TNFSF4: variants seen among roughly 807,000 people sequenced by gnomAD.
The protein encoded by TNFSF4 is TNF superfamily member 4, also known as tumor necrosis factor ligand superfamily member 4.
Under a neutral mutation model 7.3 loss-of-function variants are expected in TNFSF4, and 4 were observed. The ratio of observed to expected loss-of-function variants is 0.55; its 90% CI spans 0.27 to 1.25. The LOEUF is 1.25. Ranked by LOEUF, TNFSF4 falls within the 50% of genes most tolerant of loss-of-function variation. TNFSF4 has a pLI of 0.12. For synonymous variants in TNFSF4, 76 were observed against 83.7 expected (o/e 0.91, Z 0.50); for missense variants, 181 against 208.8 (o/e 0.87, Z 0.82).
At chr1:173,357,508 G>A in the TNFSF4 span, among the ~76,000 whole-genome samples, 2 of 152,064 alleles carry the variant, frequency 1.3e-5, no homozygotes, top group South Asian at 4.2e-4. Flanking sequence ...GCAGTTCTGG[G>A]AGTTCCTGTT....
At chr1:173,178,284 T>C in the TNFSF4 span, among the ~76,000 whole-genome samples, 1 of 152,124 alleles carries the variant, frequency 6.6e-6, no homozygotes, top group Non-Finnish European at 1.5e-5. Context: ...TTCTTAAAAG[T>C]TGAATATCAG....
chr1:173,236,785 G>T, the TNFSF4 span, among the ~76,000 whole-genome samples: 2 of 152,140 alleles, frequency 1.3e-5, no homozygotes, highest in Admixed American at 1.3e-4. Flanking sequence ...CTAAAAAAAA[G>T]TTGATCTCAC....
the TNFSF4 span, among the ~76,000 whole-genome samples, chr1:173,399,077 C>G: frequency 6.6e-6 from 1 of 152,108 alleles, no homozygotes; most frequent in African/African-American, 2.4e-5. Context: ...GTTATCTGAC[C>G]CACCAAGCCA....
chr1:173,421,915 T>C, the TNFSF4 span, among the ~76,000 whole-genome samples: 1 of 152,206 alleles, frequency 6.6e-6, no homozygotes, highest in Non-Finnish European at 1.5e-5. Context: ...CTTTTTGTTG[T>C]TGGTTTTTTC....
At chr1:173,230,284 A>G in the TNFSF4 span, among the ~76,000 whole-genome samples, 2 of 152,212 alleles carry the variant, frequency 1.3e-5, no homozygotes, top group Non-Finnish European at 2.9e-5. Context: ...CTCACTCAAA[A>G]CAGCTCAACT....
chr1:173,308,283 C>G, the TNFSF4 span, among the ~76,000 whole-genome samples: 34 of 132,604 alleles, frequency 2.6e-4, no homozygotes, highest in African/African-American at 5.4e-4. Flanking sequence ...CTCTCTCTCT[C>G]TCTGTGTGTG....
the TNFSF4 span, among the ~76,000 whole-genome samples, chr1:173,285,168 G>A: frequency 5.3e-5 from 8 of 152,050 alleles, no homozygotes; most frequent in Non-Finnish European, 2.9e-5. Context: ...GAATGACTGT[G>A]AAGGGTTCAA....
At chr1:173,368,385 G>C in the TNFSF4 span, among the ~76,000 whole-genome samples, 3 of 152,270 alleles carry the variant, frequency 2.0e-5, no homozygotes, top group East Asian at 5.8e-4. Flanking sequence ...ACCAACTCCA[G>C]ACACATCTTG....
the TNFSF4 span, among the ~76,000 whole-genome samples, chr1:173,276,236 A>G: frequency 2.0e-4 from 31 of 152,256 alleles, 1 homozygote; most frequent in South Asian, 5.6e-3. Flanking sequence ...TTACAGAAAG[A>G]TTAATCCAAA....
At chr1:173,296,624 A>C in the TNFSF4 span, among the ~76,000 whole-genome samples, 14 of 152,010 alleles carry the variant, frequency 9.2e-5, no homozygotes, top group Admixed American at 3.3e-4. Context: ...CAAAAGAAGG[A>C]AAGACTACAG....
intron 1 of TNFSF4, among the ~76,000 whole-genome samples, chr1:173,192,586 A>G (rs2101987447): frequency 6.6e-6 from 1 of 152,334 alleles, no homozygotes; most frequent in East Asian, 1.9e-4. Context: ...GGTAGAGCAC[A>G]GGGTGTTTTT....
the TNFSF4 span, among the ~76,000 whole-genome samples, chr1:173,213,668 A>G: frequency 6.6e-6 from 1 of 152,244 alleles, no homozygotes; most frequent in Non-Finnish European, 1.5e-5. Context: ...AATTGTATAC[A>G]CTCACAAAAC....
intron 1 of TNFSF4, among the ~76,000 whole-genome samples, chr1:173,192,399 A>G (rs1021966027): frequency 6.6e-6 from 1 of 152,224 alleles, no homozygotes; most frequent in Non-Finnish European, 1.5e-5. Context: ...GAAATGAACT[A>G]TCAAGCTATG....
the TNFSF4 span, among the ~76,000 whole-genome samples, chr1:173,223,784 G>C: frequency 6.6e-6 from 1 of 152,170 alleles, no homozygotes; most frequent in East Asian, 1.9e-4. Context: ...AGGAAAGAAG[G>C]GGGTGGGGGA....
At chr1:173,244,678 C>T in the TNFSF4 span, among the ~76,000 whole-genome samples, 1 of 141,286 alleles carries the variant, frequency 7.1e-6, no homozygotes, top group Admixed American at 7.0e-5. Context: ...AAAAAAAAAA[C>T]ATAAACCCTC....
chr1:173,230,617 C>CA, the TNFSF4 span, among the ~76,000 whole-genome samples: 1 of 151,754 alleles, frequency 6.6e-6, no homozygotes, highest in Admixed American at 6.6e-5. Context: ...CAACACCCTT[C>CA]AAAAAAATCA....
the TNFSF4 span, among the ~76,000 whole-genome samples, chr1:173,369,823 A>G: frequency 6.6e-6 from 1 of 152,128 alleles, no homozygotes; most frequent in Non-Finnish European, 1.5e-5. Context: ...GGAGTGAAAT[A>G]CTTTATGTCC....
intron 1 of TNFSF4, among the ~76,000 whole-genome samples, chr1:173,197,882 A>T (rs944762520): frequency 3.3e-5 from 5 of 152,160 alleles, no homozygotes; most frequent in African/African-American, 1.2e-4. Flanking sequence ...TTGACCATAA[A>T]TGTGCAGCTT....
chr1:173,258,023 G>C, the TNFSF4 span, among the ~76,000 whole-genome samples: 3 of 151,914 alleles, frequency 2.0e-5, no homozygotes, highest in African/African-American at 4.8e-5. Flanking sequence ...AAACTATCAG[G>C]GCCCACCATT....
Sources: allele counts gnomAD v4.1 joint callset (sites outside exome capture counted in the v4.1 genomes callset), GRCh38; gene constraint gnomAD v4.1.1; transcripts MANE v1.5; gene names NCBI Gene and HGNC (gene_info 2026-07-23, HGNC 2026-07-21).